Variants in AFG3L2 observed in about 807,000 individuals in gnomAD.
AFG3L2 encodes mitochondrial inner membrane m-AAA protease component AFG3L2.
AFG3L2 carries 54 observed loss-of-function variants against 94.5 expected under a neutral mutation model. The observed-to-expected ratio is 0.57, with a 90% CI of 0.46 to 0.72. The LOEUF is 0.72. Among genes scored for constraint, AFG3L2 ranks in the 30% least tolerant of loss-of-function variants. AFG3L2 has a pLI of 0.00. For synonymous variants in AFG3L2, 377 were observed against 365.5 expected, an observed-to-expected ratio of 1.03 and a Z score of -0.36; for missense variants, 754 against 994.9, an observed-to-expected ratio of 0.76 and a Z score of 3.26.
chr18:12,361,108 G>A (rs1293685482), intron 6 of AFG3L2, among the ~76,000 whole-genome samples: 2 of 152,176 alleles, frequency 1.3e-5, no homozygotes, highest in Non-Finnish European at 2.9e-5. Flanking sequence ...TGGGCACAGT[G>A]GCCAGTAATC....
intron 10 of AFG3L2, among the ~76,000 whole-genome samples, chr18:12,352,763 CTTTTT>C (rs923524373): frequency 6.6e-6 from 1 of 151,904 alleles, no homozygotes; most frequent in African/African-American, 2.4e-5. Context: ...TTAGGGAATG[CTTTTT>C]TTTGTTTGTG....
At chr18:12,342,932 GTAACTTA>G (rs2143135243) in intron 14 of AFG3L2, 1 of 152,082 alleles carries the variant, frequency 6.6e-6, no homozygotes, top group Admixed American at 6.6e-5. Flanking sequence ...ACTGGGATGA[GTAACTTA>G]CTGTTTTGGC....
chr18:12,339,007 C>A (rs1907845645), intron 15 of AFG3L2, among the ~76,000 whole-genome samples: 1 of 152,046 alleles, frequency 6.6e-6, no homozygotes, highest in African/African-American at 2.4e-5. Context: ...GTAATCCCAG[C>A]ACTTTGGCAG....
At chr18:12,376,609 T>C (rs1239481405) in intron 1 of AFG3L2, among the ~76,000 whole-genome samples, 1 of 152,238 alleles carries the variant, frequency 6.6e-6, no homozygotes, top group East Asian at 1.9e-4. Context: ...TACATCGTGC[T>C]CGTGCTGCTG....
At chr18:12,376,938 G>T in intron 1 of AFG3L2, 31 bp downstream of exon 1, 1 of 1,388,188 alleles carries the variant, frequency 7.2e-7, no homozygotes, top group Non-Finnish European at 9.4e-7. Context: ...GAGGCAGGGT[G>T]GAGGGCGCCG....
chr18:12,351,384 A>G lies in AFG3L2; in HGVS notation c.1348T>C (p.Leu450=), dbSNP rs774859640. 1.2e-6 allele frequency: 2 copies of G among 1,614,178 alleles called. No homozygotes were observed. Among genetic ancestry groups the G allele is most frequent in the Non-Finnish European group, 8.5e-7 (1 of 1,180,042 alleles). The change falls in exon 11 of 17, where the codon TTG becomes CTG. Residue 450 remains leucine, a synonymous_variant. Transcript: ENST00000269143. ...GFNTTTNVVI[L]AGTNRPDILD... ...ATATCTGGTCGATTGGTGCCGGCCA[A>G]AATGACGACATTTGTTGTTGTATTA...
intron 14 of AFG3L2, chr18:12,341,049 C>T (rs1190830401): frequency 6.6e-6 from 1 of 152,548 alleles, no homozygotes; most frequent in African/African-American, 2.4e-5. Context: ...TGCGCCACCA[C>T]ACCCAGCAAA....
chr18:12,367,762 T>C (rs993687660), intron 3 of AFG3L2, among the ~76,000 whole-genome samples: 10 of 152,132 alleles, frequency 6.6e-5, no homozygotes, highest in African/African-American at 2.4e-4. Flanking sequence ...AAGTTTAAAG[T>C]GTGTTCTGGC....
chr18:12,360,797 C>T (rs1908636960), intron 6 of AFG3L2, among the ~76,000 whole-genome samples: 1 of 152,164 alleles, frequency 6.6e-6, no homozygotes, highest in Non-Finnish European at 1.5e-5. Flanking sequence ...ACAAAACTTG[C>T]TCATGGTCAC....
chr18:12,360,094 C>G, intron 6 of AFG3L2, 43 bp from the exon 7 acceptor site: 1 of 1,597,430 alleles, frequency 6.3e-7, no homozygotes, highest in Non-Finnish European at 8.6e-7. Context: ...TGTAGTGAAA[C>G]TAAAAGGTTC....
In AFG3L2 at chr18:12,328,971, TTTTA is replaced by T. The variant is rs1327989855; in HGVS notation, c.*590_*593del. The T allele has an allele frequency of 7.0e-6, 4 of 571,040 alleles. No homozygotes were observed. Among genetic ancestry groups the T allele is most frequent in the East Asian group, 2.8e-5 (1 of 35,588 alleles). The allele number at this position is 571,040 out of a possible 1,614,324, so 35.4% of individuals were successfully genotyped here. On this transcript the variant is annotated 3_prime_UTR_variant, in exon 17 of 17. Transcript: ENST00000269143. ...TGTTCAGAAAAGTACAGTGTTGACA[TTTTA>T]TTTTTTATGTAAAGAAGCCATATTT...
chr18:12,339,177 C>A (rs1298360959), intron 15 of AFG3L2, among the ~76,000 whole-genome samples: 1 of 129,046 alleles, frequency 7.7e-6, no homozygotes, highest in East Asian at 2.5e-4. Flanking sequence ...GCAGGCGGAG[C>A]TTGCAGTGTG....
Position 12,344,171 on chromosome 18 carries a change from A to G in AFG3L2, c.1740T>C (p.Val580=), listed in dbSNP as rs1317006684. The part of the protein sequence containing the change: ...TVAYHEAGHA[V]AGWYLEHADP... ...CTGCGTGCTCCAGATACCAGCCGGC[A>G]ACCGCATGGCCTGCTTCGTGGTATG... The change falls in exon 14 of 17, where the codon GTT becomes GTC. Residue 580 remains valine, a synonymous_variant. Transcript: ENST00000269143. 1 of 1,614,034 alleles carries G rather than the reference A, an allele frequency of 6.2e-7. No homozygotes were observed.
intron 6 of AFG3L2, among the ~76,000 whole-genome samples, chr18:12,363,114 C>A (rs571442829): frequency 6.6e-5 from 10 of 152,328 alleles, no homozygotes; most frequent in African/African-American, 2.4e-4. Context: ...TGGTCACCAT[C>A]ACTTCTAGTT....
intron 14 of AFG3L2, 176 bp downstream of exon 14, chr18:12,343,955 AT>A: frequency 1.6e-6 from 1 of 640,054 alleles, no homozygotes. Flanking sequence ...TTCTGTCCAA[AT>A]TTTATATTTA....
At chr18:12,335,387 T>C (rs1297413560) in intron 16 of AFG3L2, among the ~76,000 whole-genome samples, 1 of 152,144 alleles carries the variant, frequency 6.6e-6, no homozygotes, top group Non-Finnish European at 1.5e-5. Flanking sequence ...GTGGATTCAA[T>C]GGGCAAAAAT....
chr18:12,340,389 G>A lies in AFG3L2; in HGVS notation c.1792C>T (p.Pro598Ser). 1 of 1,613,470 alleles carries A rather than the reference G, an allele frequency of 6.2e-7. No individual in the cohort carries two copies. Among genetic ancestry groups the A allele is most frequent in the African/African-American group, 1.3e-5 (1 of 75,030 alleles). Residue 598 changes from proline to serine, a missense_variant, in exon 15 of 17, where the codon CCA (proline) becomes TCA (serine). By Grantham distance (74) the Pro-to-Ser change is moderately conservative. Coordinates refer to ENST00000269143, the MANE Select transcript of AFG3L2 (RefSeq NM_006796.3). ...GCATAACCTAGTCCTTTGCCACGTG[G>A]GATGATGGATACCTGGTAAGTAGAA... Reference protein sequence around the residue: ...ADPLLKVSIIPRGKGLGYAQY... With the variant: ...ADPLLKVSIISRGKGLGYAQY...
At chr18:12,348,951 A>C (rs1259178566) in intron 12 of AFG3L2, among the ~76,000 whole-genome samples, 2 of 152,238 alleles carry the variant, frequency 1.3e-5, no homozygotes, top group Non-Finnish European at 1.5e-5. Context: ...AACAAATATT[A>C]AAACATTATA....
chr18:12,363,669 C>T, intron 6 of AFG3L2, 113 bp downstream of exon 6: 3 of 836,794 alleles, frequency 3.6e-6, no homozygotes, highest in South Asian at 2.8e-5. Context: ...CTGCCCAGTT[C>T]TGATATATCT....
Sources: allele counts gnomAD v4.1 joint callset (sites outside exome capture counted in the v4.1 genomes callset), GRCh38; gene constraint gnomAD v4.1.1; transcripts MANE v1.5; gene names NCBI Gene and HGNC (gene_info 2026-07-23, HGNC 2026-07-21).